Variants in TPM1 observed in about 807,000 individuals in gnomAD.
TPM1 encodes tropomyosin alpha-1 chain.
TPM1 carries 24 observed loss-of-function variants against 42.9 expected under a neutral mutation model. That is an observed-to-expected ratio of 0.56 (90% confidence interval 0.41 to 0.79). The LOEUF (loss-of-function observed/expected upper bound fraction) is 0.79. Ranked by LOEUF, TPM1 falls within the 30% of genes least tolerant of loss-of-function variation. TPM1 has a pLI of 0.00. For synonymous variants in TPM1, 136 were observed against 130.1 expected (o/e 1.05, Z -0.31); for missense variants, 158 against 351.8 (o/e 0.45, Z 4.41).
intron 5 of TPM1, 45 bp from the exon 6 acceptor site, chr15:63,061,667 CT>C: frequency 6.3e-7 from 1 of 1,576,962 alleles, no homozygotes; most frequent in Non-Finnish European, 8.7e-7. Context: ...CTCCTCCTTC[CT>C]TTGGCTTGTC....
intron 1 of TPM1, chr15:63,043,453 C>T (rs1229811980): frequency 8.9e-6 from 6 of 676,548 alleles, no homozygotes; most frequent in Non-Finnish European, 1.3e-5. Flanking sequence ...TGGCGTTCTT[C>T]TGTGTCCCCA....
chr15:63,058,623 C>G (rs190809673), intron 3 of TPM1, among the ~76,000 whole-genome samples: 31 of 152,214 alleles, frequency 2.0e-4, no homozygotes, highest in Non-Finnish European at 3.4e-4. Flanking sequence ...GCAGAAGAAT[C>G]GCTTGAACCC....
chr15:63,048,777 C>T (rs2033120660), intron 2 of TPM1: 1 of 1,506,184 alleles, frequency 6.6e-7, no homozygotes, highest in Non-Finnish European at 8.9e-7. Flanking sequence ...GCAGGGCCCT[C>T]CTGCTTCCCC....
chr15:63,048,876 C>T (rs1245328694), intron 2 of TPM1: 3 of 831,602 alleles, frequency 3.6e-6, no homozygotes, highest in African/African-American at 1.7e-5. Flanking sequence ...GGGAGGGGCC[C>T]GGCCTGTTCT....
At chr15:63,065,459 C>T (rs2036173744) in intron 9 of TPM1, 1 of 985,274 alleles carries the variant, frequency 1.0e-6, no homozygotes, top group African/African-American at 1.7e-5. Context: ...ACAAAAAAGC[C>T]TCTAGAGACA....
chr15:63,048,724 TCA>T, intron 2 of TPM1: 1 of 1,532,942 alleles, frequency 6.5e-7, no homozygotes, highest in Non-Finnish European at 8.8e-7. Flanking sequence ...GATACACCCA[TCA>T]CCCCGCAGCC....
chr15:63,071,612 T>C (rs1378955861), exon 9 of TPM1: 1 of 216,628 alleles, frequency 4.6e-6, no homozygotes, highest in African/African-American at 2.3e-5. Context: ...ACTAATTTAT[T>C]TTGTCTTGAG....
intron 9 of TPM1, chr15:63,064,842 C>A: frequency 2.0e-6 from 1 of 495,992 alleles, no homozygotes; most frequent in Non-Finnish European, 2.6e-6. Flanking sequence ...TGGTGGATGC[C>A]TGTAGTCCCA....
intron 5 of TPM1, 88 bp downstream of exon 5, chr15:63,061,027 C>T: frequency 6.5e-7 from 1 of 1,538,324 alleles, no homozygotes; most frequent in South Asian, 1.1e-5. Flanking sequence ...TGCACATTAC[C>T]TGTTTCAGCT....
At chr15:63,062,081 T>C in intron 6 of TPM1, 134 bp from the exon 7 acceptor site, 1 of 799,738 alleles carries the variant, frequency 1.3e-6, no homozygotes, top group Non-Finnish European at 2.2e-6. Flanking sequence ...CAGTGTGCCA[T>C]TTGATATCAG....
chr15:63,061,536 GT>G (rs1374080266), intron 5 of TPM1, 176 bp from the exon 6 acceptor site: 2 of 749,582 alleles, frequency 2.7e-6, no homozygotes, highest in East Asian at 5.3e-5. Context: ...CTGTTGCGAG[GT>G]TGGGGGGCAG....
At chr15:63,064,042 G>C (rs535675057) in intron 8 of TPM1, 22 bp from the exon 9 acceptor site, 1 of 1,613,342 alleles carries the variant, frequency 6.2e-7, no homozygotes, top group South Asian at 1.1e-5. Context: ...TTGCACCTCT[G>C]CCTTCCACTT....
chr15:63,048,235 A>C (rs755633516), intron 2 of TPM1: 81 of 476,308 alleles, frequency 1.7e-4, no homozygotes, highest in Middle Eastern at 3.5e-4. Context: ...GCCCTAGTGC[A>C]GTGGCCTCCC....
In TPM1 at chr15:63,060,883, G is replaced by C. The variant is rs139663836; in HGVS notation, c.507G>C (p.Leu169=). ...TCCTGCTGCAGGTGGCCCGTAAGCT[G>C]GTCATCATTGAGAGCGACCTGGAAC... ...DRKYEEVARK[L]VIIESDLERA... Residue 169 remains leucine (L), a synonymous_variant, in exon 5 of 10, where the codon CTG becomes CTC. Transcript: ENST00000403994. The C allele has an allele frequency of 3.7e-6, 6 of 1,614,116 alleles. No individual in the cohort carries two copies. Among genetic ancestry groups the C allele is most frequent in the East Asian group, 2.2e-5 (1 of 44,900 alleles).
downstream of TPM1, chr15:63,071,152 C>T (rs374434837): frequency 1.0e-4 from 165 of 1,614,038 alleles, 1 homozygote; most frequent in Middle Eastern, 1.6e-4. Flanking sequence ...TCAGACTTTA[C>T]TGGAGTTAAA....
downstream of TPM1, among the ~76,000 whole-genome samples, chr15:63,068,493 A>G (rs2036410453): frequency 6.6e-6 from 1 of 152,338 alleles, no homozygotes; most frequent in Non-Finnish European, 1.5e-5. Context: ...AGAGAATGTT[A>G]ATGTGAGAAC....
intron 6 of TPM1, 199 bp from the exon 7 acceptor site, chr15:63,062,016 T>G (rs1181159434): frequency 1.5e-6 from 1 of 678,618 alleles, no homozygotes; most frequent in Non-Finnish European, 2.6e-6. Context: ...AGTGGATAAG[T>G]TATCTTGTTG....
Position 63,062,578 on chromosome 15 carries a change from T to G in TPM1, c.705T>G (p.Ala235=). The G allele has an allele frequency of 6.2e-7, 1 of 1,614,132 alleles. No homozygotes were observed. Residue 235 remains alanine (A), a splice_region_variant and synonymous_variant, in exon 8 of 10, where the codon GCT becomes GCG. Transcript: ENST00000403994. ...IKVLSDKLKE[A]ETRAEFAERS... is the part of the protein sequence containing the mutation. ...TTAACTCAAATAAATCATTACAGGC[T>G]GAGACTCGGGCTGAGTTTGCGGAGA...
At position 63,062,593 on chromosome 15, in the gene TPM1, G is replaced by A; in HGVS notation, c.720G>A (p.Glu240=). 1 of 1,614,240 alleles carries A rather than the reference G, an allele frequency of 6.2e-7. No individual in the cohort carries two copies. The highest frequency in any genetic ancestry group is 8.5e-7 in the Non-Finnish European group (1 of 1,180,046). The change falls in exon 8 of 10, where the codon GAG becomes GAA. Residue 240 remains glutamate (E), a synonymous_variant. Transcript: ENST00000403994. ...CATTACAGGCTGAGACTCGGGCTGA[G>A]TTTGCGGAGAGGTCAGTAACTAAAT... ...DKLKEAETRA[E]FAERSVTKLE...
Sources: allele counts gnomAD v4.1 joint callset (sites outside exome capture counted in the v4.1 genomes callset), GRCh38; gene constraint gnomAD v4.1.1; transcripts MANE v1.5; gene names NCBI Gene and HGNC (gene_info 2026-07-23, HGNC 2026-07-21).